The following C8A variants were observed in gnomAD, a reference collection of about 807,000 sequenced individuals.
C8A encodes the protein complement C8 alpha chain.
In C8A, 67 loss-of-function variants were observed where a neutral mutation model predicts 65.3. The observed-to-expected ratio is 1.03, with a 90% CI of 0.84 to 1.26. The LOEUF (loss-of-function observed/expected upper bound fraction) is 1.26. Ranked by LOEUF, C8A falls within the 50% of genes most tolerant of loss-of-function variation. The pLI, the probability that C8A is intolerant of heterozygous loss-of-function variation, is 0.00. For synonymous variants in C8A, 290 were observed against 259.4 expected, an observed-to-expected ratio of 1.12 and a Z score of -1.13; for missense variants, 781 against 723.9, an observed-to-expected ratio of 1.08 and a Z score of -0.90.
At chr1:56,896,880 C>T (rs888467888) in intron 7 of C8A, among the ~76,000 whole-genome samples, 2 of 152,134 alleles carry the variant, frequency 1.3e-5, no homozygotes, top group Non-Finnish European at 2.9e-5. Context: ...ACGCTGAGCC[C>T]TTTCATACAC....
intron 5 of C8A, among the ~76,000 whole-genome samples, chr1:56,882,301 A>T (rs1035751699): frequency 3.9e-5 from 6 of 152,156 alleles, no homozygotes; most frequent in African/African-American, 1.4e-4. Flanking sequence ...CACAGCGAAC[A>T]TCATTGAATG....
intron 10 of C8A, among the ~76,000 whole-genome samples, chr1:56,915,272 G>A (rs1039951731): frequency 7.2e-5 from 11 of 152,160 alleles, no homozygotes; most frequent in African/African-American, 2.4e-4. Context: ...GGTAAGCCAA[G>A]AGGGTGAGTG....
chr1:56,877,896 G>T (rs1291745872), intron 4 of C8A, among the ~76,000 whole-genome samples: 1 of 152,116 alleles, frequency 6.6e-6, no homozygotes, highest in Non-Finnish European at 1.5e-5. Context: ...AGTGCATGTA[G>T]ATATACACAT....
chr1:56,900,477 G>C (rs565158665), intron 7 of C8A, among the ~76,000 whole-genome samples: 1 of 152,262 alleles, frequency 6.6e-6, no homozygotes, highest in Non-Finnish European at 1.5e-5. Context: ...GTCACTACCA[G>C]AGAAGGTGAA....
intron 4 of C8A, among the ~76,000 whole-genome samples, chr1:56,879,727 T>C (rs1181910261): frequency 6.6e-6 from 1 of 152,200 alleles, no homozygotes; most frequent in Non-Finnish European, 1.5e-5. Flanking sequence ...ATGTATTCAA[T>C]TTACTGTAGT....
intron 1 of C8A, among the ~76,000 whole-genome samples, chr1:56,865,912 T>C (rs1450341024): frequency 6.6e-6 from 1 of 152,202 alleles, no homozygotes; most frequent in Non-Finnish European, 1.5e-5. Context: ...AAATTTCAAA[T>C]GCCTGATATC....
chr1:56,883,638 A>G lies in C8A; in HGVS notation c.812A>G (p.Gln271Arg). 6.2e-7 allele frequency: 1 copy of G among 1,613,946 alleles called. No individual in the cohort carries two copies. The highest frequency in any genetic ancestry group is 1.1e-5 in the South Asian group (1 of 91,082). ...GTGGGTGTAGGTGTATCCCACTCAC[A>G]AGACACTTCATTCTTGAACGAATTA... ...LLVGVGVSHS[Q>R]DTSFLNELNK... is the part of the protein sequence containing the mutation. The change falls in exon 6 of 11, where the codon CAA (glutamine) becomes CGA (arginine). Residue 271 changes from glutamine (Q) to arginine (R), a missense_variant. Transcript: ENST00000361249.
At chr1:56,895,039 AT>A (rs764317999) in intron 7 of C8A, among the ~76,000 whole-genome samples, 6 of 152,192 alleles carry the variant, frequency 3.9e-5, no homozygotes, top group Non-Finnish European at 7.3e-5. Flanking sequence ...ATGAGGAATT[AT>A]ATTGTTATTT....
chr1:56,885,409 TATTTAA>T (rs1416374966), intron 6 of C8A, among the ~76,000 whole-genome samples: 1 of 94,838 alleles, frequency 1.1e-5, no homozygotes, highest in African/African-American at 3.6e-5. Context: ...AATATATATT[TATTTAA>T]ATATATATTT....
chr1:56,881,394 T>C (rs1322528010), intron 4 of C8A, 51 bp from the exon 5 acceptor site: 5 of 1,581,388 alleles, frequency 3.2e-6, no homozygotes, highest in Non-Finnish European at 4.3e-6. Context: ...ATCACCCAGG[T>C]ATAAAACCCA....
At position 56,854,881 on chromosome 1, in the gene C8A, G is replaced by A; in HGVS notation, c.-21G>A. On this transcript the variant is annotated 5_prime_UTR_variant, in exon 1 of 11. In the 5' UTR this introduces an upstream ATG that the reference lacks. Transcript: ENST00000361249. ...AGCTTTATTCCTTCAAGGTAATATA[G>A]TGCGGTGGCTTCTGGCTGAGATGTT... 8.1e-6 allele frequency: 13 copies of A among 1,608,082 alleles called. No individual in the cohort carries two copies. Among genetic ancestry groups the A allele is most frequent in the Non-Finnish European group, 1.1e-5 (13 of 1,175,574 alleles).
chr1:56,885,383 A>AATATAT (rs1240305757), intron 6 of C8A, among the ~76,000 whole-genome samples: 1 of 98,106 alleles, frequency 1.0e-5, no homozygotes, highest in African/African-American at 3.5e-5. Context: ...TATTTATTTA[A>AATATAT]ATATATATTT....
intron 1 of C8A, among the ~76,000 whole-genome samples, chr1:56,867,183 G>C (rs533374182): frequency 6.6e-6 from 1 of 152,028 alleles, no homozygotes; most frequent in Non-Finnish European, 1.5e-5. Flanking sequence ...TTTTAATGTA[G>C]TTTTATAGAT....
chr1:56,884,408 A>G (rs908571958), intron 6 of C8A, among the ~76,000 whole-genome samples: 2 of 152,310 alleles, frequency 1.3e-5, no homozygotes, highest in Admixed American at 1.3e-4. Context: ...TATTGAATTA[A>G]TTAGAAGCTT....
At chr1:56,910,463 T>C (rs1049663344) in intron 9 of C8A, among the ~76,000 whole-genome samples, 1 of 152,198 alleles carries the variant, frequency 6.6e-6, no homozygotes, top group African/African-American at 2.4e-5. Context: ...GCTTCCCCTC[T>C]TCCTGTGGTT....
intron 9 of C8A, among the ~76,000 whole-genome samples, chr1:56,908,492 G>C (rs1012176696): frequency 2.6e-5 from 4 of 152,190 alleles, no homozygotes; most frequent in African/African-American, 7.2e-5. Flanking sequence ...AAATATTTCA[G>C]GCTTTGTGGG....
intron 2 of C8A, among the ~76,000 whole-genome samples, chr1:56,868,618 A>G (rs1644114540): frequency 6.6e-6 from 1 of 152,108 alleles, no homozygotes; most frequent in African/African-American, 2.4e-5. Context: ...ACCCTGTCTC[A>G]TAAATAAATA....
rs1440760170 is a variant in C8A at position 56,908,098 on chromosome 1, T to C, written c.1365T>C (p.Val455=). ...SWGRSLKYNP[V]VIDFEMQPIH... ...GGAGGTCATTAAAGTATAATCCTGT[T>C]GTTATCGATTTTGAGGTAAGTCTTT... Residue 455 remains valine, a synonymous_variant, in exon 9 of 11, where the codon GTT becomes GTC. Transcript: ENST00000361249. The C allele has an allele frequency of 6.2e-7, 1 of 1,613,998 alleles. No individual in the cohort carries two copies. The highest frequency in any genetic ancestry group is 1.3e-5 in the African/African-American group (1 of 74,906).
chr1:56,891,836 G>A (rs1644348274), intron 7 of C8A, among the ~76,000 whole-genome samples: 1 of 152,010 alleles, frequency 6.6e-6, no homozygotes. Context: ...AGGGATTCTG[G>A]GGGCAAAGAA....
Sources: allele counts gnomAD v4.1 joint callset (sites outside exome capture counted in the v4.1 genomes callset), GRCh38; gene constraint gnomAD v4.1.1; transcripts MANE v1.5; gene names NCBI Gene and HGNC (gene_info 2026-07-23, HGNC 2026-07-21).